Variants in PHF14 observed in about 807,000 individuals in gnomAD.
PHF14 encodes PHD finger protein 14.
PHF14 carries 55 observed loss-of-function variants against 117.9 expected under a neutral mutation model. The observed-to-expected ratio is 0.47, with a 90% CI of 0.38 to 0.58. The LOEUF is 0.58. Among genes scored for constraint, PHF14 ranks in the 20% least tolerant of loss-of-function variants. The pLI is 0.00. For missense variants in PHF14, 978 were observed against 1,122.2 expected, an observed-to-expected ratio of 0.87 and a Z score of 1.84; for synonymous variants, 409 against 368.6, an observed-to-expected ratio of 1.11 and a Z score of -1.26.
intron 17 of PHF14, among the ~76,000 whole-genome samples, chr7:11,153,970 T>C (rs2128354826): frequency 6.6e-6 from 1 of 152,078 alleles, no homozygotes; most frequent in East Asian, 1.9e-4. Flanking sequence ...TGTGTGTGTG[T>C]GTTTTAAGAA....
intron 16 of PHF14, among the ~76,000 whole-genome samples, chr7:11,085,256 A>G (rs77118159): frequency 0.013 from 1,980 of 152,306 alleles, 20 homozygotes; most frequent in Non-Finnish European, 0.02. Flanking sequence ...TTAATTACAC[A>G]TTGCGACATT....
intron 17 of PHF14, among the ~76,000 whole-genome samples, chr7:11,149,450 A>G (rs1788645720): frequency 6.6e-6 from 1 of 152,178 alleles, no homozygotes; most frequent in African/African-American, 2.4e-5. Flanking sequence ...AAAAAAATGG[A>G]TGAAATGATT....
intron 16 of PHF14, among the ~76,000 whole-genome samples, chr7:11,086,454 C>T (rs962905400): frequency 1.1e-4 from 17 of 152,128 alleles, no homozygotes; most frequent in Admixed American, 4.6e-4. Context: ...GAAATAACCT[C>T]GTCTTTTTCT....
At chr7:11,151,080 C>A (rs1274189239) in intron 17 of PHF14, among the ~76,000 whole-genome samples, 2 of 151,978 alleles carry the variant, frequency 1.3e-5, no homozygotes, top group Non-Finnish European at 2.9e-5. Flanking sequence ...GACAAAAAAA[C>A]CTGTCATAAT....
intron 17 of PHF14, among the ~76,000 whole-genome samples, chr7:11,160,608 A>G (rs1788994647): frequency 6.6e-6 from 1 of 152,178 alleles, no homozygotes; most frequent in Non-Finnish European, 1.5e-5. Context: ...ATTGAATGGT[A>G]TCAATGAGAT....
intron 17 of PHF14, among the ~76,000 whole-genome samples, chr7:11,112,640 G>A (rs1380828281): frequency 2.0e-5 from 3 of 151,844 alleles, no homozygotes; most frequent in Non-Finnish European, 2.9e-5. Flanking sequence ...ACATGGTGGC[G>A]AGTGCCTCTA....
chr7:10,977,522 A>G (rs1781908722), intron 2 of PHF14, among the ~76,000 whole-genome samples: 1 of 152,152 alleles, frequency 6.6e-6, no homozygotes, highest in African/African-American at 2.4e-5. Context: ...TAAAATAGAA[A>G]CAAATCAACA....
At chr7:11,078,545 A>G (rs573978811) in intron 16 of PHF14, among the ~76,000 whole-genome samples, 120 of 152,276 alleles carry the variant, frequency 7.9e-4, no homozygotes, top group Non-Finnish European at 1.2e-3. Context: ...TTAATTTTCA[A>G]ATTTCATGAT....
At chr7:11,122,704 T>C (rs933890762) in intron 17 of PHF14, among the ~76,000 whole-genome samples, 1 of 152,122 alleles carries the variant, frequency 6.6e-6, no homozygotes, top group Non-Finnish European at 1.5e-5. Flanking sequence ...ACGTTTCTCC[T>C]TGGCAAAATG....
intron 16 of PHF14, among the ~76,000 whole-genome samples, chr7:11,075,811 G>C (rs1256289562): frequency 6.6e-6 from 1 of 151,980 alleles, no homozygotes; most frequent in East Asian, 1.9e-4. Flanking sequence ...GGAAACTGAA[G>C]AATAGAGCTT....
intron 4 of PHF14, among the ~76,000 whole-genome samples, chr7:11,008,763 C>G (rs28422022): frequency 6.6e-6 from 1 of 151,894 alleles, no homozygotes; most frequent in Non-Finnish European, 1.5e-5. Context: ...TGGCCGGGCG[C>G]GGTGGCTCAC....
intron 6 of PHF14, 134 bp from the exon 7 acceptor site, chr7:11,028,547 G>T: frequency 1.3e-6 from 1 of 745,510 alleles, no homozygotes; most frequent in Admixed American, 3.0e-5. Flanking sequence ...TATGATTATT[G>T]TTTGTATTGG....
intron 6 of PHF14, among the ~76,000 whole-genome samples, chr7:11,027,924 TCTTTA>T (rs1178140120): frequency 1.3e-5 from 2 of 152,166 alleles, no homozygotes; most frequent in African/African-American, 4.8e-5. Flanking sequence ...TCTTAACTTG[TCTTTA>T]CTTTAATTTC....
intron 14 of PHF14, among the ~76,000 whole-genome samples, chr7:11,053,956 A>T (rs1232727401): frequency 6.6e-6 from 1 of 151,932 alleles, no homozygotes; most frequent in Non-Finnish European, 1.5e-5. Flanking sequence ...GTCCATGACC[A>T]GTAATTTCAG....
rs1784439581 is a variant in PHF14 at position 11,039,687 on chromosome 7, A to C, written c.2076+832A>C. ...GTCAAATTCATCACACAGCTTATTT[A>C]AATATTTTAAGAAGTGATACATACT... On this transcript the variant is annotated intron_variant, in intron 11 of 17. Transcript: ENST00000634607. Among the ~76,000 whole-genome samples, 3 of 152,338 alleles carry C rather than the reference A, an allele frequency of 2.0e-5. No individual in the cohort carries two copies. The South Asian group carries it at 6.2e-4, about 32-fold the overall frequency.
intron 17 of PHF14, among the ~76,000 whole-genome samples, chr7:11,136,052 A>G (rs7806039): frequency 0.36 from 54,922 of 151,966 alleles, 10,608 homozygotes; most frequent in East Asian, 0.73. Context: ...CATAAGTAAC[A>G]TTGTTGAAAA....
In PHF14 at chr7:11,125,462, A is replaced by G. The variant is rs552451003; in HGVS notation, c.2772+13995A>G. Among the ~76,000 whole-genome samples, 22 of 152,230 alleles carry G rather than the reference A, an allele frequency of 1.4e-4. No homozygotes were observed. In the East Asian group the frequency reaches 3.1e-3, roughly 21 times the overall value. Reference sequence around the variant, plus strand: ...AGAATACTTGCTTCTAAGTGTATTGAGTATAAATACAATTCAGTTTACACT... The same window carrying G: ...AGAATACTTGCTTCTAAGTGTATTGGGTATAAATACAATTCAGTTTACACT... On this transcript the variant is annotated intron_variant, in intron 17 of 17. Coordinates refer to ENST00000634607, the MANE Select transcript of PHF14 (RefSeq NM_001007157.2).
intron 16 of PHF14, among the ~76,000 whole-genome samples, chr7:11,082,287 G>T (rs377478018): frequency 2.6e-5 from 4 of 152,172 alleles, no homozygotes; most frequent in African/African-American, 9.7e-5. Context: ...TATTGAGGCT[G>T]CAGTGAGCCA....
At chr7:11,112,630 A>G (rs891211406) in intron 17 of PHF14, among the ~76,000 whole-genome samples, 1 of 151,990 alleles carries the variant, frequency 6.6e-6, no homozygotes, top group Non-Finnish European at 1.5e-5. Flanking sequence ...AATTAGCCAG[A>G]CATGGTGGCG....
Sources: allele counts gnomAD v4.1 joint callset (sites outside exome capture counted in the v4.1 genomes callset), GRCh38; gene constraint gnomAD v4.1.1; transcripts MANE v1.5; gene names NCBI Gene and HGNC (gene_info 2026-07-23, HGNC 2026-07-21).